Variants in ZNF44 observed in about 807,000 individuals in gnomAD.
ZNF44 encodes zinc finger protein 44.
In ZNF44, 9 loss-of-function variants were observed where a neutral mutation model predicts 11.7. The ratio of observed to expected loss-of-function variants is 0.77; its 90% CI spans 0.46 to 1.35. The LOEUF (loss-of-function observed/expected upper bound fraction) is 1.35. ZNF44 is among the 40% of genes most tolerant of loss of function. ZNF44 has a pLI of 0.00. For synonymous variants in ZNF44, 224 were observed against 242.7 expected (o/e 0.92, Z 0.72); for missense variants, 696 against 743.1 (o/e 0.94, Z 0.74).
At chr19:12,266,220 CG>C in intron 5 of ZNF44, 1 of 982,758 alleles carries the variant, frequency 1.0e-6, no homozygotes, top group Non-Finnish European at 1.2e-6. Context: ...CCGCCACAGC[CG>C]GTCCCAGCCA....
chr19:12,291,323 A>T (rs1357532899), intron 1 of ZNF44: 3 of 427,000 alleles, frequency 7.0e-6, no homozygotes, highest in Non-Finnish European at 1.4e-5. Flanking sequence ...CATTCTTGTG[A>T]AAATATATTC....
At chr19:12,292,191 G>A (rs1218337777) in intron 1 of ZNF44, among the ~76,000 whole-genome samples, 1 of 151,846 alleles carries the variant, frequency 6.6e-6, no homozygotes, top group Non-Finnish European at 1.5e-5. Flanking sequence ...AGTAGGGCAT[G>A]GTGGGCATTC....
intron 5 of ZNF44, among the ~76,000 whole-genome samples, chr19:12,251,363 G>A (rs1428375502): frequency 3.3e-5 from 5 of 151,814 alleles, no homozygotes; most frequent in Non-Finnish European, 7.4e-5. Flanking sequence ...GTGTAGTGGT[G>A]CGCATCTCTA....
chr19:12,259,533 G>C (rs1458213504), intron 5 of ZNF44, among the ~76,000 whole-genome samples: 1 of 152,092 alleles, frequency 6.6e-6, no homozygotes, highest in African/African-American at 2.4e-5. Context: ...TGTTTCATCA[G>C]TGTTTTTTTA....
chr19:12,241,800 C>A (rs1008389187), upstream of ZNF44, among the ~76,000 whole-genome samples: 1 of 152,176 alleles, frequency 6.6e-6, no homozygotes, highest in Non-Finnish European at 1.5e-5. Flanking sequence ...AAGTGCTCAA[C>A]ATATGGATGG....
In ZNF44 at chr19:12,275,953, T is replaced by C. The variant is rs1967202282; in HGVS notation, c.130+3A>G. On this transcript the variant is annotated splice_donor_region_variant and intron_variant, in intron 2 of 3. Transcript: ENST00000355684. ...CCAAATGAAGACATGATGTCATCCA[T>C]ACCTATACAGTTCAGGTTCCTAATG... is the stretch of plus-strand genomic sequence containing the variant. 2 of 1,599,910 alleles carry C rather than the reference T, an allele frequency of 1.3e-6. No individual in the cohort carries two copies. Among genetic ancestry groups the C allele is most frequent in the East Asian group, 2.3e-5 (1 of 44,190 alleles).
At chr19:12,283,475 T>A (rs889433738) in intron 1 of ZNF44, among the ~76,000 whole-genome samples, 1 of 151,988 alleles carries the variant, frequency 6.6e-6, no homozygotes, top group Admixed American at 6.6e-5. Context: ...ATTACAGGCA[T>A]CCACCACCAC....
chr19:12,289,192 A>G (rs576125053), intron 1 of ZNF44, among the ~76,000 whole-genome samples: 1 of 152,160 alleles, frequency 6.6e-6, no homozygotes, highest in South Asian at 2.1e-4. Context: ...CTGTAGTCTC[A>G]GCTACCCTGA....
At chr19:12,283,797 T>G (rs552160411) in intron 1 of ZNF44, among the ~76,000 whole-genome samples, 3 of 152,314 alleles carry the variant, frequency 2.0e-5, no homozygotes, top group Non-Finnish European at 2.9e-5. Flanking sequence ...AGAGGAACTC[T>G]TGAGGCCAGG....
downstream of ZNF44, among the ~76,000 whole-genome samples, chr19:12,270,975 C>T (rs931882709): frequency 2.0e-5 from 3 of 152,018 alleles, no homozygotes; most frequent in African/African-American, 7.2e-5. Context: ...TCAGGAATAT[C>T]TTAAATGTTG....
chr19:12,285,498 C>G (rs977069600), intron 1 of ZNF44, among the ~76,000 whole-genome samples: 4 of 152,046 alleles, frequency 2.6e-5, no homozygotes, highest in Non-Finnish European at 5.9e-5. Flanking sequence ...AGGTGATCCA[C>G]CCACCAAGGC....
intron 1 of ZNF44, among the ~76,000 whole-genome samples, chr19:12,292,873 T>TG (rs1968074408): frequency 6.8e-6 from 1 of 147,260 alleles, no homozygotes; most frequent in African/African-American, 2.5e-5. Context: ...TTTTTTTTTT[T>TG]TTTTTTTGAG....
exon 8 of ZNF44, chr19:12,248,115 C>T (rs769170336): frequency 2.8e-5 from 36 of 1,303,504 alleles, no homozygotes; most frequent in Non-Finnish European, 3.5e-5. Flanking sequence ...ACATTCATAG[C>T]GTTTCTGTAC....
At chr19:12,256,250 G>A (rs1399701) in intron 5 of ZNF44, among the ~76,000 whole-genome samples, 8,524 of 152,048 alleles carry the variant, frequency 0.056, 797 homozygotes, top group African/African-American at 0.2. Flanking sequence ...AAAAGAATCT[G>A]AAAGATATTA....
chr19:12,278,829 T>C (rs1351283212), intron 1 of ZNF44, among the ~76,000 whole-genome samples: 2 of 152,088 alleles, frequency 1.3e-5, no homozygotes, highest in Non-Finnish European at 1.5e-5. Context: ...CACCCAGATA[T>C]ACTGGGGAAT....
chr19:12,254,146 C>T (rs1917143110), intron 5 of ZNF44, among the ~76,000 whole-genome samples: 1 of 149,234 alleles, frequency 6.7e-6, no homozygotes, highest in Non-Finnish European at 1.5e-5. Context: ...GGACATAAAA[C>T]AAACCTAATC....
upstream of ZNF44, among the ~76,000 whole-genome samples, chr19:12,240,426 CAG>C (rs1349792568): frequency 8.0e-6 from 1 of 124,744 alleles, no homozygotes; most frequent in Non-Finnish European, 1.6e-5. Context: ...GCCTGGGAGA[CAG>C]AGTGAGATTC....
At chr19:12,284,444 G>A in intron 1 of ZNF44, 1 of 637,866 alleles carries the variant, frequency 1.6e-6, no homozygotes, top group Non-Finnish European at 2.9e-6. Flanking sequence ...TCCGGGGCCG[G>A]GGCCGCGGAG....
At position 12,294,716 on chromosome 19, in the gene ZNF44, G is replaced by T; in HGVS notation, c.-22C>A. 6.4e-7 allele frequency: 1 copy of T among 1,556,130 alleles called. No homozygotes were observed. The highest frequency in any genetic ancestry group is 8.7e-7 in the Non-Finnish European group (1 of 1,150,902). ...CCATTTCCCGGCTGTGCGGTGTCCCGGGTCCTCCCAACTCCCGTAGTCAGG... is the reference window on the plus strand; with the variant it reads ...CCATTTCCCGGCTGTGCGGTGTCCCTGGTCCTCCCAACTCCCGTAGTCAGG... On this transcript the variant is annotated 5_prime_UTR_variant, in exon 1 of 4. Coordinates refer to ENST00000355684, the MANE Select transcript of ZNF44 (RefSeq NM_016264.4).
Sources: gnomAD v4.1 joint callset for allele counts (sites outside exome capture counted in the v4.1 genomes callset) on GRCh38, gnomAD v4.1.1 for gene constraint, MANE v1.5 for transcripts, NCBI Gene and HGNC (gene_info 2026-07-23, HGNC 2026-07-21) for gene names.